CBFA2T3: variants seen among roughly 807,000 people sequenced by gnomAD.
CBFA2T3 encodes the protein CBFA2/RUNX1 partner transcriptional co-repressor 3.
In CBFA2T3, 31 loss-of-function variants were observed where a neutral mutation model predicts 58.6. The ratio of observed to expected loss-of-function variants is 0.53; its 90% CI spans 0.40 to 0.71. The LOEUF is 0.71. Among genes scored for constraint, CBFA2T3 ranks in the 30% least tolerant of loss-of-function variants. The pLI is 0.00. For missense variants in CBFA2T3, 1,076 were observed against 963.1 expected (o/e 1.12, Z -1.55); for synonymous variants, 531 against 421.9 (o/e 1.26, Z -3.17).
chr16:88,895,308 C>T (rs1178501196), intron 3 of CBFA2T3, among the ~76,000 whole-genome samples: 1 of 152,222 alleles, frequency 6.6e-6, no homozygotes, highest in East Asian at 1.9e-4. Context: ...TCCACTCCGC[C>T]TTCCCAGAAG....
intron 1 of CBFA2T3, among the ~76,000 whole-genome samples, chr16:88,952,138 G>A (rs945688610): frequency 2.0e-5 from 3 of 152,036 alleles, no homozygotes; most frequent in African/African-American, 7.2e-5. Flanking sequence ...GAACAGGCTC[G>A]CTACTATGCA....
chr16:88,967,743 G>C (rs1972551043), intron 1 of CBFA2T3, among the ~76,000 whole-genome samples: 1 of 152,052 alleles, frequency 6.6e-6, no homozygotes, highest in Admixed American at 6.5e-5. Context: ...ACAGGGGTGA[G>C]GGTCAGGCGC....
intron 1 of CBFA2T3, among the ~76,000 whole-genome samples, chr16:88,919,697 AGC>A (rs1970849946): frequency 6.6e-6 from 1 of 152,176 alleles, no homozygotes; most frequent in African/African-American, 2.4e-5. Flanking sequence ...GTTACTTCTG[AGC>A]ACGTGCAGTC....
intron 7 of CBFA2T3, among the ~76,000 whole-genome samples, chr16:88,882,986 C>T (rs1160827379): frequency 6.6e-6 from 1 of 152,256 alleles, no homozygotes; most frequent in African/African-American, 2.4e-5. Context: ...CAACACGGCA[C>T]ACGCCTCCAA....
chr16:88,907,345 G>A (rs1031328089), intron 1 of CBFA2T3, among the ~76,000 whole-genome samples: 1 of 152,158 alleles, frequency 6.6e-6, no homozygotes, highest in Non-Finnish European at 1.5e-5. Context: ...CCCTGGCTCA[G>A]AACAGCACTG....
intron 1 of CBFA2T3, among the ~76,000 whole-genome samples, chr16:88,924,216 A>G (rs1047884465): frequency 1.3e-5 from 2 of 152,136 alleles, no homozygotes; most frequent in African/African-American, 4.8e-5. Context: ...AGTGAGCCTG[A>G]GTGAAGATCT....
rs764181048 is a variant in CBFA2T3 at position 88,976,811 on chromosome 16, G to A, written c.-4C>T. 7.1e-6 allele frequency: 11 copies of A among 1,550,136 alleles called. No individual in the cohort carries two copies. In the South Asian group the frequency reaches 1.2e-4, roughly 17 times the overall value. On this transcript the variant is annotated 5_prime_UTR_variant, in exon 1 of 12. Coordinates refer to ENST00000268679, the MANE Select transcript of CBFA2T3 (RefSeq NM_005187.6). ...CCCTCAGTCTTGAAGCCGGCATGAGGAGGGCCACCCTCAGGGGCCAACCTG... is the reference window on the plus strand; with the variant it reads ...CCCTCAGTCTTGAAGCCGGCATGAGAAGGGCCACCCTCAGGGGCCAACCTG...
intron 1 of CBFA2T3, among the ~76,000 whole-genome samples, chr16:88,931,901 C>T (rs1177628176): frequency 1.3e-5 from 2 of 152,002 alleles, no homozygotes; most frequent in Admixed American, 6.5e-5. Flanking sequence ...AGCACTTCGC[C>T]GGGGCACTTA....
At chr16:88,914,036 G>A (rs1392357843) in intron 1 of CBFA2T3, among the ~76,000 whole-genome samples, 1 of 152,222 alleles carries the variant, frequency 6.6e-6, no homozygotes. Flanking sequence ...GAGGTAGAGG[G>A]ACACGAGGCT....
At chr16:88,975,208 G>GGCCCTCTGCTCC (rs1567644055) in intron 1 of CBFA2T3, among the ~76,000 whole-genome samples, 1 of 108,204 alleles carries the variant, frequency 9.2e-6, no homozygotes, top group Non-Finnish European at 1.8e-5. Flanking sequence ...GGTCCACCCT[G>GGCCCTCTGCTCC]ACCCTCTGCT....
Position 88,898,645 on chromosome 16 carries a change from G to A in CBFA2T3, c.305-493C>T, listed in dbSNP as rs73254234. Among the ~76,000 whole-genome samples, 1,075 of 152,338 alleles carry A rather than the reference G, an allele frequency of 7.1e-3. 16 individuals carry two copies. Among genetic ancestry groups the A allele is most frequent in the African/African-American group, 0.025 (1,029 of 41,578 alleles). On this transcript the variant is annotated intron_variant, in intron 2 of 11. Transcript: ENST00000268679. ...CCTCAGGGACCTGGGCCGAAGCCGC[G>A]TGTCCTAAAAGCGACCTGAGACTCG...
rs753465875 is a variant in CBFA2T3, at chr16:88,898,171, G to A, written c.305-19C>T. On this transcript the variant is annotated intron_variant, in intron 2 of 11. Coordinates refer to ENST00000268679, the MANE Select transcript of CBFA2T3 (RefSeq NM_005187.6). ...TCTCGATCTGTAAGCAAAATAAGAA[G>A]AACACGCTGTCAGGAGGGGCGTGGG... 1 of 1,600,390 alleles carries A rather than the reference G, an allele frequency of 6.2e-7. No homozygotes were observed. Among genetic ancestry groups the A allele is most frequent in the Non-Finnish European group, 8.6e-7 (1 of 1,169,426 alleles).
At chr16:88,916,090 ATG>A (rs1223236911) in intron 1 of CBFA2T3, among the ~76,000 whole-genome samples, 5 of 149,268 alleles carry the variant, frequency 3.3e-5, no homozygotes, top group African/African-American at 5.0e-5. Flanking sequence ...GTGTGTATTC[ATG>A]TGTGTGCATG....
chr16:88,921,080 C>G (rs1280475727), intron 1 of CBFA2T3, among the ~76,000 whole-genome samples: 2 of 152,248 alleles, frequency 1.3e-5, no homozygotes, highest in Non-Finnish European at 1.5e-5. Flanking sequence ...GGCCTTCCCC[C>G]AGGCAAGGCC....
At chr16:88,925,028 C>G (rs965117110) in intron 1 of CBFA2T3, among the ~76,000 whole-genome samples, 3 of 152,216 alleles carry the variant, frequency 2.0e-5, no homozygotes, top group African/African-American at 7.2e-5. Flanking sequence ...GCTGTGTCTG[C>G]GAGGGGTCTC....
chr16:88,961,671 C>G (rs71395364), intron 1 of CBFA2T3, among the ~76,000 whole-genome samples: 10 of 100,594 alleles, frequency 9.9e-5, no homozygotes, highest in South Asian at 4.2e-4. Flanking sequence ...CATTCCCACT[C>G]CATAGTAACC....
chr16:88,895,293 C>T (rs1289804287), intron 3 of CBFA2T3, among the ~76,000 whole-genome samples: 2 of 152,202 alleles, frequency 1.3e-5, no homozygotes, highest in African/African-American at 4.8e-5. Context: ...CCGCCATCAG[C>T]TTCCTCCACT....
chr16:88,967,656 G>A (rs758502553), intron 1 of CBFA2T3, among the ~76,000 whole-genome samples: 22 of 152,138 alleles, frequency 1.4e-4, no homozygotes, highest in Non-Finnish European at 2.5e-4. Flanking sequence ...AGCAGGCCGG[G>A]GACGGGGACG....
At chr16:88,902,525 T>C (rs1170092738) in intron 1 of CBFA2T3, 1 of 152,232 alleles carries the variant, frequency 6.6e-6, no homozygotes, top group African/African-American at 2.4e-5. Context: ...GGGCCGGGAC[T>C]GGGGGGCACG....
Sources: gnomAD v4.1 joint callset for allele counts (sites outside exome capture counted in the v4.1 genomes callset) on GRCh38, gnomAD v4.1.1 for gene constraint, MANE v1.5 for transcripts, NCBI Gene and HGNC (gene_info 2026-07-23, HGNC 2026-07-21) for gene names.